FHIT: variants seen among roughly 807,000 people sequenced by gnomAD.
The protein encoded by FHIT is bis(5'-adenosyl)-triphosphatase.
In FHIT, 19 loss-of-function variants were observed where a neutral mutation model predicts 17.9. The ratio of observed to expected loss-of-function variants is 1.06; its 90% CI spans 0.74 to 1.56. The LOEUF (loss-of-function observed/expected upper bound fraction) is 1.56. FHIT is among the 40% of genes most tolerant of loss of function. The probability of loss-of-function intolerance (pLI) is 0.00; values close to 1 mark genes in which losing one functional copy is unlikely to be tolerated. For missense variants in FHIT, 248 were observed against 189.2 expected, an observed-to-expected ratio of 1.31 and a Z score of -1.82; for synonymous variants, 81 against 69.7, an observed-to-expected ratio of 1.16 and a Z score of -0.81.
intron 3 of FHIT, among the ~76,000 whole-genome samples, chr3:60,958,482 C>A (rs1458829993): frequency 6.6e-6 from 1 of 152,114 alleles, no homozygotes; most frequent in Admixed American, 6.5e-5. Flanking sequence ...ATACTTAAGT[C>A]TTGTTCTTTA....
At chr3:59,806,139 C>T (rs1361234560) in intron 8 of FHIT, among the ~76,000 whole-genome samples, 3 of 151,440 alleles carry the variant, frequency 2.0e-5, no homozygotes, top group African/African-American at 7.3e-5. Flanking sequence ...CGAGATCACA[C>T]CGCTGCACTC....
At chr3:60,685,722 C>A (rs2040847510) in intron 4 of FHIT, among the ~76,000 whole-genome samples, 1 of 152,122 alleles carries the variant, frequency 6.6e-6, no homozygotes, top group Admixed American at 6.6e-5. Context: ...TATTTACATA[C>A]AATATGGAAA....
chr3:60,318,412 G>A (rs1709266534), intron 5 of FHIT, among the ~76,000 whole-genome samples: 2 of 152,118 alleles, frequency 1.3e-5, no homozygotes, highest in African/African-American at 4.8e-5. Flanking sequence ...GCAAAGAAAG[G>A]CATCTGGGGG....
intron 5 of FHIT, among the ~76,000 whole-genome samples, chr3:60,533,115 G>A (rs1380620757): frequency 6.6e-6 from 1 of 151,988 alleles, no homozygotes; most frequent in African/African-American, 2.4e-5. Flanking sequence ...TTCATTCACT[G>A]CTTTTAGATT....
At chr3:59,803,526 G>A (rs1575521758) in intron 8 of FHIT, among the ~76,000 whole-genome samples, 1 of 152,204 alleles carries the variant, frequency 6.6e-6, no homozygotes, top group Admixed American at 6.5e-5. Context: ...AAGGCAGAAG[G>A]CCTCACTTTG....
At chr3:60,028,147 A>G (rs981682912) in intron 5 of FHIT, among the ~76,000 whole-genome samples, 1 of 149,388 alleles carries the variant, frequency 6.7e-6, no homozygotes, top group Admixed American at 6.8e-5. Flanking sequence ...GTGGGTGGCC[A>G]CCACCTAGAG....
At position 59,922,428 on chromosome 3, in the gene FHIT, A is replaced by C. The variant is rs368593308; in HGVS notation, c.280-14T>G. 1 of 1,609,654 alleles carries C rather than the reference A, an allele frequency of 6.2e-7. No homozygotes were observed. Among genetic ancestry groups the C allele is most frequent in the Admixed American group, 1.7e-5 (1 of 59,518 alleles). On this transcript the variant is annotated splice_polypyrimidine_tract_variant and intron_variant, in intron 7 of 9. Transcript: ENST00000492590. ...GACGTGAACGTGCTGAAAATGTACA[A>C]GAAAGAAAAAAAATGTGATTATCTC...
chr3:60,975,868 T>A (rs183319168), intron 3 of FHIT, among the ~76,000 whole-genome samples: 1 of 152,250 alleles, frequency 6.6e-6, no homozygotes, highest in Admixed American at 6.5e-5. Flanking sequence ...TAATTTGACA[T>A]ATATTCCACA....
At chr3:60,245,614 T>C (rs549055736) in intron 5 of FHIT, among the ~76,000 whole-genome samples, 198 of 152,164 alleles carry the variant, frequency 1.3e-3, no homozygotes, top group African/African-American at 4.6e-3. Flanking sequence ...ACTAGTGATG[T>C]TGAGGATGAT....
intron 8 of FHIT, among the ~76,000 whole-genome samples, chr3:59,810,481 T>A (rs931986977): frequency 6.6e-6 from 1 of 152,218 alleles, no homozygotes; most frequent in African/African-American, 2.4e-5. Context: ...TGCACCTGGC[T>A]GGATGCAGTT....
At chr3:60,991,933 G>A (rs2030262122) in intron 3 of FHIT, among the ~76,000 whole-genome samples, 1 of 152,112 alleles carries the variant, frequency 6.6e-6, no homozygotes, top group East Asian at 1.9e-4. Flanking sequence ...TCAGCATAGA[G>A]CATCTCTGTG....
intron 5 of FHIT, among the ~76,000 whole-genome samples, chr3:60,110,795 C>T (rs75094099): frequency 0.027 from 4,139 of 152,240 alleles, 197 homozygotes; most frequent in African/African-American, 0.095. Context: ...AGGGGTTTGA[C>T]ATAAAAACCA....
intron 5 of FHIT, among the ~76,000 whole-genome samples, chr3:60,198,975 T>A (rs955955082): frequency 6.6e-5 from 10 of 152,160 alleles, no homozygotes; most frequent in Non-Finnish European, 1.3e-4. Context: ...AATGTAGCAG[T>A]CTAAAATATT....
At chr3:60,625,376 A>G (rs1444495617) in intron 4 of FHIT, among the ~76,000 whole-genome samples, 1 of 152,186 alleles carries the variant, frequency 6.6e-6, no homozygotes, top group Non-Finnish European at 1.5e-5. Flanking sequence ...CTGTTTTCCA[A>G]AGTGGCTATA....
chr3:60,441,814 ATC>A (rs2030902964), intron 5 of FHIT, among the ~76,000 whole-genome samples: 1 of 124,186 alleles, frequency 8.1e-6, no homozygotes, highest in African/African-American at 2.9e-5. Context: ...ATATATATAT[ATC>A]AGGTCATTTT....
intron 4 of FHIT, among the ~76,000 whole-genome samples, chr3:60,567,718 G>A (rs1210699289): frequency 6.6e-6 from 1 of 152,042 alleles, no homozygotes; most frequent in Non-Finnish European, 1.5e-5. Flanking sequence ...CTGACAAAGG[G>A]CTAATATCCA....
intron 4 of FHIT, among the ~76,000 whole-genome samples, chr3:60,742,504 G>T (rs1367189635): frequency 2.6e-5 from 4 of 152,098 alleles, no homozygotes; most frequent in African/African-American, 4.8e-5. Flanking sequence ...CCCATCAAAT[G>T]GTAGCTACCC....
chr3:59,871,937 C>T (rs1702945079), intron 8 of FHIT, among the ~76,000 whole-genome samples: 1 of 152,158 alleles, frequency 6.6e-6, no homozygotes, highest in Admixed American at 6.5e-5. Context: ...AGAGATAATA[C>T]ACATCTAAAC....
chr3:60,448,455 G>A (rs1025998212), intron 5 of FHIT, among the ~76,000 whole-genome samples: 1 of 152,184 alleles, frequency 6.6e-6, no homozygotes, highest in South Asian at 2.1e-4. Flanking sequence ...TATGTGGTAG[G>A]CACTGTGCCA....
Sources: allele counts gnomAD v4.1 joint callset (sites outside exome capture counted in the v4.1 genomes callset), GRCh38; gene constraint gnomAD v4.1.1; transcripts MANE v1.5; gene names NCBI Gene and HGNC (gene_info 2026-07-23, HGNC 2026-07-21).